The following MAP4K4 variants were observed in gnomAD, a reference collection of about 807,000 sequenced individuals.
The protein encoded by MAP4K4 is HPK/GCK-like kinase HGK.
MAP4K4 carries 38 observed loss-of-function variants against 189.6 expected under a neutral mutation model. That is an observed-to-expected ratio of 0.20 (90% CI 0.15 to 0.26). MAP4K4 has a LOEUF of 0.26. Ranked by LOEUF, MAP4K4 falls within the 10% of genes least tolerant of loss-of-function variation. MAP4K4 has a pLI of 1.00. For missense variants in MAP4K4, 1,054 were observed against 1,726.9 expected, an observed-to-expected ratio of 0.61 and a Z score of 6.91; for synonymous variants, 610 against 624.3, an observed-to-expected ratio of 0.98 and a Z score of 0.34.
At chr2:101,726,509 T>C (rs1172353085) in intron 2 of MAP4K4, among the ~76,000 whole-genome samples, 6 of 152,240 alleles carry the variant, frequency 3.9e-5, no homozygotes, top group Admixed American at 3.3e-4. Context: ...TCAGCTAATA[T>C]TCATGAATTA....
chr2:101,874,047 G>T (rs1180561996), intron 25 of MAP4K4, 35 bp from the exon 26 acceptor site: 2 of 1,577,656 alleles, frequency 1.3e-6, no homozygotes, highest in East Asian at 4.5e-5. Flanking sequence ...GTGTGTGTGT[G>T]TACAGAAAAT....
chr2:101,875,378 T>TA (rs1224953791), intron 26 of MAP4K4, among the ~76,000 whole-genome samples: 1 of 152,006 alleles, frequency 6.6e-6, no homozygotes, highest in African/African-American at 2.4e-5. Flanking sequence ...TTTTTTTTTT[T>TA]AATCTCTAAG....
intron 2 of MAP4K4, among the ~76,000 whole-genome samples, chr2:101,733,593 C>A (rs531347621): frequency 6.6e-6 from 1 of 152,262 alleles, no homozygotes; most frequent in East Asian, 1.9e-4. Flanking sequence ...CTTGTCAGCT[C>A]CCTGAGGCTC....
intron 32 of MAP4K4, among the ~76,000 whole-genome samples, chr2:101,889,487 A>G (rs2098534881): frequency 6.6e-6 from 1 of 152,130 alleles, no homozygotes; most frequent in Non-Finnish European, 1.5e-5. Context: ...AACTGGCCAT[A>G]TCACTCCAGG....
intron 2 of MAP4K4, among the ~76,000 whole-genome samples, chr2:101,782,853 T>C (rs916840887): frequency 2.0e-5 from 3 of 152,212 alleles, no homozygotes; most frequent in Non-Finnish European, 4.4e-5. Flanking sequence ...TTTGGATTTT[T>C]TGCAGATGCT....
chr2:101,849,188 T>A (rs62156942), intron 12 of MAP4K4, among the ~76,000 whole-genome samples: 22,203 of 152,176 alleles, frequency 0.15, 1,740 homozygotes, highest in South Asian at 0.2. Flanking sequence ...AGTGGTGCAA[T>A]CTCAGCTCAC....
chr2:101,758,136 G>A (rs2073874808), intron 2 of MAP4K4, among the ~76,000 whole-genome samples: 1 of 152,198 alleles, frequency 6.6e-6, no homozygotes, highest in African/African-American at 2.4e-5. Context: ...GGTTGACTGT[G>A]CATAACTGAA....
rs187545843 is a variant in MAP4K4 at position 101,886,779 on chromosome 2, C to T, written c.3622-309C>T. On this transcript the variant is annotated intron_variant, in intron 29 of 32. Coordinates refer to ENST00000324219, the Ensembl canonical transcript of MAP4K4. Reference sequence around the variant, plus strand: ...TTCTCCGGCCGGGCGTGGTGGCTCACGCCTGTAATTCCAGCACTTTGGGAG... The same window carrying T: ...TTCTCCGGCCGGGCGTGGTGGCTCATGCCTGTAATTCCAGCACTTTGGGAG... Among the ~76,000 whole-genome samples, 521 of 152,236 alleles carry T rather than the reference C, an allele frequency of 3.4e-3. 7 individuals are homozygous for T. Among genetic ancestry groups the T allele is most frequent in the Non-Finnish European group, 3.5e-3 (237 of 67,992 alleles).
intron 10 of MAP4K4, 51 bp from the exon 11 acceptor site, chr2:101,842,558 G>T (rs572636599): frequency 1.2e-5 from 16 of 1,338,068 alleles, no homozygotes; most frequent in Non-Finnish European, 1.7e-5. Flanking sequence ...CTGAACAGGC[G>T]TGTGTCAGGA....
intron 2 of MAP4K4, among the ~76,000 whole-genome samples, chr2:101,702,581 A>G (rs750587841): frequency 1.3e-5 from 2 of 152,178 alleles, no homozygotes; most frequent in Non-Finnish European, 2.9e-5. Flanking sequence ...AAAAAAAGAA[A>G]AGAAAAGAAG....
rs994147854 is a variant in MAP4K4, at chr2:101,880,787, G to A, written c.3386-1764G>A. ...CCCATAAAGTACTGGGATTACAGGC[G>A]TGAGCCACCGCGCCTGGTGTATAGT... is the stretch of plus-strand genomic sequence containing the variant. On this transcript the variant is annotated intron_variant, in intron 27 of 32. Transcript: ENST00000324219. Among the ~76,000 whole-genome samples the A allele has an allele frequency of 2.6e-5, 4 of 152,138 alleles. No homozygotes were observed. In the South Asian group the frequency reaches 8.3e-4, roughly 31 times the overall value.
At chr2:101,779,364 C>T (rs116092293) in intron 2 of MAP4K4, among the ~76,000 whole-genome samples, 2 of 152,156 alleles carry the variant, frequency 1.3e-5, no homozygotes, top group South Asian at 4.1e-4. Context: ...TTTATCAACT[C>T]CACTAGATCT....
At chr2:101,831,620 A>T in intron 6 of MAP4K4, 101 bp from the exon 7 acceptor site, 2 of 1,277,724 alleles carry the variant, frequency 1.6e-6, no homozygotes, top group Non-Finnish European at 2.2e-6. Context: ...CTGCTGTTTC[A>T]GTTTACTATG....
At chr2:101,752,180 A>G (rs570692883) in intron 2 of MAP4K4, among the ~76,000 whole-genome samples, 1 of 152,308 alleles carries the variant, frequency 6.6e-6, no homozygotes, top group East Asian at 1.9e-4. Flanking sequence ...ATTAAAACTA[A>G]TTTTATATTG....
At chr2:101,859,818 C>T (rs1421954826) in exon 15 of MAP4K4, 54 of 1,610,412 alleles carry the variant, frequency 3.4e-5, no homozygotes, top group Non-Finnish European at 4.4e-5. Flanking sequence ...AGCTTCCATG[C>T]TCCCGAGCCC....
rs762141671 is a variant in MAP4K4 at position 101,877,004 on chromosome 2, A to T, written c.3243A>T (p.Gly1081=). 1.1e-5 allele frequency: 17 copies of T among 1,613,744 alleles called. No homozygotes were observed. In the Admixed American group the frequency reaches 1.8e-4, roughly 17 times the overall value. The change falls in exon 27 of 33, where the codon GGA becomes GGT. Residue 1081 remains glycine, a splice_region_variant and synonymous_variant. Coordinates refer to ENST00000324219, the Ensembl canonical transcript of MAP4K4. The stretch of plus-strand genomic sequence containing the variant: ...GGCCTTTCTGTGTCCCTGAAACAGG[A>T]GTGAATTTGCTAGTGGGTACAGAGA...
intron 13 of MAP4K4, 134 bp from the exon 14 acceptor site, chr2:101,858,862 T>A (rs954472906): frequency 1.6e-6 from 1 of 617,516 alleles, no homozygotes; most frequent in East Asian, 2.8e-5. Flanking sequence ...AGCAATAGAT[T>A]TTCTTCAGGT....
intron 3 of MAP4K4, 25 bp from the exon 4 acceptor site, chr2:101,823,903 C>T: frequency 7.0e-6 from 11 of 1,574,488 alleles, no homozygotes; most frequent in Non-Finnish European, 9.5e-6. Context: ...AGTAGCCACA[C>T]ATTTTATTTT....
At chr2:101,839,987 C>T (rs777817077) in exon 10 of MAP4K4, 27 of 1,593,854 alleles carry the variant, frequency 1.7e-5, no homozygotes, top group Middle Eastern at 1.7e-4. Flanking sequence ...AGAAGAGAGG[C>T]GAGAAAGGTA....
Sources: gnomAD v4.1 joint callset for allele counts (sites outside exome capture counted in the v4.1 genomes callset) on GRCh38, gnomAD v4.1.1 for gene constraint, MANE v1.5 for transcripts, NCBI Gene and HGNC (gene_info 2026-07-23, HGNC 2026-07-21) for gene names.